The following CELF6 variants were observed in gnomAD, a reference collection of about 807,000 sequenced individuals.
CELF6 encodes CUGBP Elav-like family member 6.
A neutral mutation model predicts 53.1 loss-of-function variants in CELF6; 32 were observed. That is an observed-to-expected ratio of 0.60 (90% CI 0.46 to 0.81). The LOEUF is 0.81. Among genes scored for constraint, CELF6 ranks in the 30% least tolerant of loss-of-function variants. CELF6 has a pLI of 0.00. For missense variants in CELF6, 539 were observed against 669.5 expected, an observed-to-expected ratio of 0.81 and a Z score of 2.15; for synonymous variants, 291 against 288.8, an observed-to-expected ratio of 1.01 and a Z score of -0.08.
Position 72,289,045 on chromosome 15 carries a change from G to C in CELF6, c.1030+93C>G, listed in dbSNP as rs1209757438. The C allele has an allele frequency of 8.1e-7, 1 of 1,241,916 alleles. No homozygotes were observed. The highest frequency in any genetic ancestry group is 1.1e-6 in the Non-Finnish European group (1 of 896,896). 76.9% of individuals were successfully genotyped at this position (1,241,916 alleles called of 1,614,324 possible). On this transcript the variant is annotated intron_variant, in intron 8 of 12. Coordinates refer to ENST00000287202, the MANE Select transcript of CELF6 (RefSeq NM_052840.5). This position sits in a 1 kb window ranked among gnomAD's most constrained non-coding sequence, Gnocchi z 7.6. ...GGCTGTGAGAGACAGCAGGGAAGGA[G>C]GGGGATCTCTTCCCAGGGAAGCCAG...
At position 72,315,903 on chromosome 15, in the gene CELF6, G is replaced by A; in HGVS notation, c.287C>T (p.Ala96Val). ...CTGGGCCTTGAGAGCAGAGTCCCGG[G>A]CGCAGTAGGTGAGGAAGGCACAGCC... ...HKGCAFLTYC[A>V]RDSALKAQSA... The change falls in exon 2 of 13, where the codon GCC becomes GTC. Residue 96 changes from alanine to valine, a missense_variant. By Grantham distance (64) the Ala-to-Val change is moderately conservative (BLOSUM62 0). Coordinates refer to ENST00000287202, the MANE Select transcript of CELF6 (RefSeq NM_052840.5). The A allele has an allele frequency of 6.2e-7, 1 of 1,608,100 alleles. No homozygotes were observed. Among genetic ancestry groups the A allele is most frequent in the African/African-American group, 1.3e-5 (1 of 74,968 alleles).
rs2087936235 is a variant in CELF6 at position 72,287,410 on chromosome 15, A to G, written c.1319-18T>C. 5 of 1,613,498 alleles carry G rather than the reference A, an allele frequency of 3.1e-6. No individual in the cohort carries two copies. The East Asian group carries it at 1.1e-4, about 36-fold the overall frequency. ...AACAAACCCTGGAGGGTGTGGGCAAAGAGATTAGCTGGGGACTCTGCCTAG... is the reference window on the plus strand; with the variant it reads ...AACAAACCCTGGAGGGTGTGGGCAAGGAGATTAGCTGGGGACTCTGCCTAG... On this transcript the variant is annotated intron_variant, in intron 11 of 12. Transcript: ENST00000287202.
chr15:72,305,365 C>T (rs1595782558), intron 2 of CELF6, among the ~76,000 whole-genome samples: 1 of 152,270 alleles, frequency 6.6e-6, no homozygotes, highest in East Asian at 1.9e-4. Flanking sequence ...TGCCACCAGG[C>T]CCGGCTGATT....
chr15:72,319,496 C>T lies in CELF6; in HGVS notation c.262+117G>A. 2.7e-6 allele frequency: 3 copies of T among 1,130,442 alleles called. No individual in the cohort carries two copies. Among genetic ancestry groups the T allele is most frequent in the Non-Finnish European group, 2.4e-6 (2 of 825,804 alleles). 70.0% of individuals were successfully genotyped at this position (1,130,442 alleles called of 1,614,324 possible). ...GGAAGGGGGCTGGGCTGAGGTGGGG[C>T]TGATATTGGACTGGTGTTGGACTGG... On this transcript the variant is annotated intron_variant, in intron 1 of 12. Transcript: ENST00000287202. This position sits in a 1 kb window ranked among gnomAD's most constrained non-coding sequence, Gnocchi z 5.0.
intron 3 of CELF6, among the ~76,000 whole-genome samples, chr15:72,301,610 T>C (rs1003614086): frequency 6.6e-6 from 1 of 152,208 alleles, no homozygotes; most frequent in Admixed American, 6.5e-5. Context: ...GTGTGACCAT[T>C]GACTCTGACA....
intron 2 of CELF6, among the ~76,000 whole-genome samples, 199 bp downstream of exon 2, chr15:72,315,646 T>C (rs900279728): frequency 6.6e-6 from 1 of 152,172 alleles, no homozygotes; most frequent in African/African-American, 2.4e-5. Flanking sequence ...CCAAGGATCT[T>C]GAGCCCCTTT....
At chr15:72,300,361 TAAA>T (rs775512638) in intron 3 of CELF6, among the ~76,000 whole-genome samples, 3 of 108,898 alleles carry the variant, frequency 2.8e-5, no homozygotes, top group Non-Finnish European at 1.9e-5. Context: ...ACACTGTCTC[TAAA>T]AAAAAAAAAA....
rs1020144695 is a variant in CELF6, at chr15:72,289,986, C to G, written c.556G>C (p.Glu186Gln). ...AGACCCCGGATGGCCGCCTGAGCTT[C>G]CCCTTGACTCCCGAACTTCACAAAG... ...CAFVKFGSQG[E>Q]AQAAIRGLHG... The change falls in exon 5 of 13, where the codon GAA (glutamate) becomes CAA (glutamine). Residue 186 changes from glutamate (E) to glutamine (Q), a missense_variant. Physicochemically the swap from Glu to Gln is conservative, Grantham distance 29. Around this residue, in one of 3 missense-constraint regions of CELF6, gnomAD observed 358 missense variants for 412.8 expected, o/e 0.87. Coordinates refer to ENST00000287202, the MANE Select transcript of CELF6 (RefSeq NM_052840.5). This position sits in a 1 kb window ranked among gnomAD's most constrained non-coding sequence, Gnocchi z 7.6. 1.3e-6 allele frequency: 2 copies of G among 1,596,042 alleles called. No homozygotes were observed.
chr15:72,300,083 G>C (rs1379531794), intron 3 of CELF6, among the ~76,000 whole-genome samples: 1 of 152,152 alleles, frequency 6.6e-6, no homozygotes, highest in Non-Finnish European at 1.5e-5. Context: ...GGCCGGGCAC[G>C]GTGGTTCTTG....
At position 72,289,651 on chromosome 15, in the gene CELF6, C is replaced by T; in HGVS notation, c.723G>A (p.Gly241=). The change falls in exon 6 of 13, where the codon GGG becomes GGA. Residue 241 remains glycine, a synonymous_variant. Coordinates refer to ENST00000287202, the MANE Select transcript of CELF6 (RefSeq NM_052840.5). This position sits in a 1 kb window ranked among gnomAD's most constrained non-coding sequence, Gnocchi z 7.6. ...CCGCCGTGGTGTAGGCGCCGCAGGCCCCTAGCGGCAGTGGCGCGGGGTGGA... is the reference window on the plus strand; with the variant it reads ...CCGCCGTGGTGTAGGCGCCGCAGGCTCCTAGCGGCAGTGGCGCGGGGTGGA... ...GAFHPAPLPL[G]ACGAYTTAIL... is the part of the protein sequence containing the mutation. 1.3e-6 allele frequency: 2 copies of T among 1,501,550 alleles called. No homozygotes were observed. Among genetic ancestry groups the T allele is most frequent in the South Asian group, 2.5e-5 (2 of 80,480 alleles). 93.0% of individuals were successfully genotyped at this position (1,501,550 alleles called of 1,614,324 possible). A position where few individuals can be genotyped will look rare whatever the true frequency, so the allele number is the denominator to read the frequency against.
chr15:72,294,837 G>A (rs1056680126), intron 3 of CELF6, among the ~76,000 whole-genome samples: 4 of 151,878 alleles, frequency 2.6e-5, no homozygotes, highest in Admixed American at 2.6e-4. Context: ...AATTAGCCAG[G>A]CATGGTGGCA....
intron 3 of CELF6, among the ~76,000 whole-genome samples, chr15:72,303,222 A>G (rs2088180531): frequency 6.6e-6 from 1 of 152,222 alleles, no homozygotes; most frequent in African/African-American, 2.4e-5. Context: ...GTTTCCCAAG[A>G]GGCAGAAATT....
chr15:72,313,862 G>T (rs562357096), intron 2 of CELF6: 2 of 414,470 alleles, frequency 4.8e-6, no homozygotes, highest in East Asian at 1.6e-4. Context: ...AACTCATATC[G>T]AGTGCTTATT....
intron 3 of CELF6, among the ~76,000 whole-genome samples, chr15:72,301,404 T>G (rs1238503471): frequency 9.2e-5 from 14 of 152,206 alleles, no homozygotes; most frequent in Non-Finnish European, 1.5e-5. Context: ...AAATCATGCA[T>G]AATCCCTTCC....
Position 72,289,187 on chromosome 15 carries a change from G to A in CELF6, c.981C>T (p.Gly327=). The A allele has an allele frequency of 6.4e-7, 1 of 1,561,764 alleles. No individual in the cohort carries two copies. Among genetic ancestry groups the A allele is most frequent in the East Asian group, 2.3e-5 (1 of 44,034 alleles). The part of the protein sequence containing the change: ...GFGPLTPQTN[G]QPGSDTLYNN... ...TGTAGAGCGTGTCGGAGCCCGGCTG[G>A]CCATTGGTCTGGGGGGTCAGAGGGC... The change falls in exon 8 of 13, where the codon GGC becomes GGT. Residue 327 remains glycine, a synonymous_variant. Coordinates refer to ENST00000287202, the MANE Select transcript of CELF6 (RefSeq NM_052840.5). The surrounding 1 kb of genome is among the most constrained non-coding windows in gnomAD (Gnocchi z 7.6).
chr15:72,291,695 G>A (rs2088008517), intron 3 of CELF6, among the ~76,000 whole-genome samples: 1 of 152,184 alleles, frequency 6.6e-6, no homozygotes, highest in Admixed American at 6.5e-5. Context: ...GGTGGTGTGG[G>A]GTTTGGCCTA....
intron 2 of CELF6, among the ~76,000 whole-genome samples, chr15:72,312,866 C>T (rs994153861): frequency 8.5e-5 from 13 of 152,282 alleles, no homozygotes; most frequent in Non-Finnish European, 1.5e-4. Context: ...TAAGGCCAGG[C>T]GACTAAAGTT....
intron 2 of CELF6, among the ~76,000 whole-genome samples, chr15:72,310,369 T>C (rs747827201): frequency 6.6e-6 from 1 of 152,098 alleles, no homozygotes; most frequent in Non-Finnish European, 1.5e-5. Flanking sequence ...AGAATCTATA[T>C]GGATATCCTA....
Position 72,289,408 on chromosome 15 carries a change from T to C in CELF6, c.847A>G (p.Ser283Gly). The C allele has an allele frequency of 5.1e-6, 8 of 1,555,312 alleles. No homozygotes were observed. Among genetic ancestry groups the C allele is most frequent in the Non-Finnish European group, 6.9e-6 (8 of 1,158,926 alleles). ...GGCAACAGAGGCGCAGCTACCAGGC[T>C]AAAGGCCGCCACGTGTTGCATCTGG... ...AAQMQHVAAF[S>G]LVAAPLLPAA... The change falls in exon 7 of 13, where the codon AGC becomes GGC. Residue 283 changes from serine to glycine, a missense_variant. This residue lies in a region of CELF6 where 358 missense variants were observed against 412.8 expected (regional missense o/e 0.87). Coordinates refer to ENST00000287202, the MANE Select transcript of CELF6 (RefSeq NM_052840.5). This position sits in a 1 kb window ranked among gnomAD's most constrained non-coding sequence, Gnocchi z 7.6.
Sources: gnomAD v4.1 joint callset for allele counts (sites outside exome capture counted in the v4.1 genomes callset) on GRCh38, gnomAD v4.1.1 for gene constraint, gnomAD v4.1.1 regional missense constraint, Gnocchi (gnomAD v3.1) non-coding constraint, MANE v1.5 for transcripts, NCBI Gene and HGNC (gene_info 2026-07-23, HGNC 2026-07-21) for gene names.